The following PCDHGA5 variants were observed in gnomAD, a reference collection of about 807,000 sequenced individuals.
PCDHGA5 encodes protocadherin gamma subfamily A, 5.
Under a neutral mutation model 56.7 loss-of-function variants are expected in PCDHGA5, and 36 were observed. The ratio of observed to expected loss-of-function variants is 0.64; its 90% confidence interval spans 0.49 to 0.84. The LOEUF is 0.84. PCDHGA5 is among the 40% of genes least tolerant of loss of function. PCDHGA5 has a pLI of 0.00. For synonymous variants in PCDHGA5, 563 were observed against 520.2 expected, an observed-to-expected ratio of 1.08 and a Z score of -1.12; for missense variants, 1,305 against 1,201.5, an observed-to-expected ratio of 1.09 and a Z score of -1.27.
At chr5:141,502,907 G>C (rs1335363561) in intron 2 of PCDHGA5, among the ~76,000 whole-genome samples, 2 of 138,924 alleles carry the variant, frequency 1.4e-5, no homozygotes, top group Non-Finnish European at 3.0e-5. Context: ...CTGTTGCCAG[G>C]CTGGAGTGCA....
chr5:141,422,409 A>G, intron 1 of PCDHGA5: 1 of 1,601,728 alleles, frequency 6.2e-7, no homozygotes. Flanking sequence ...TGCCTTTTAA[A>G]TTAGAAAAGA....
chr5:141,413,748 T>C (rs1264580781), intron 1 of PCDHGA5: 2 of 1,613,288 alleles, frequency 1.2e-6, no homozygotes, highest in Non-Finnish European at 1.7e-6. Context: ...GCCGTGCCAA[T>C]GGCGTCAAGT....
At chr5:141,415,551 C>T (rs745641887) in intron 1 of PCDHGA5, 1 of 1,614,132 alleles carries the variant, frequency 6.2e-7, no homozygotes, top group South Asian at 1.1e-5. Context: ...GTGAGAAAAA[C>T]GATCCTTTGT....
In PCDHGA5 at chr5:141,374,128, G is replaced by T. The variant is rs376765941; in HGVS notation, c.2421+7377G>T. Reference sequence around the variant, plus strand: ...ATCCGCAGCGCAGCGAGCAGGTCCTGCTCCTCACGCTCCTGGGGACGCTGT... The same window carrying T: ...ATCCGCAGCGCAGCGAGCAGGTCCTTCTCCTCACGCTCCTGGGGACGCTGT... On this transcript the variant is annotated intron_variant, in intron 1 of 3. Coordinates refer to ENST00000518069, the MANE Select transcript of PCDHGA5 (RefSeq NM_018918.3). The T allele has an allele frequency of 4.4e-6, 7 of 1,603,372 alleles. No homozygotes were observed. The African/African-American group carries it at 8.0e-5, about 18-fold the overall frequency.
At chr5:141,414,285 A>G (rs766515802) in intron 1 of PCDHGA5, 1 of 1,613,634 alleles carries the variant, frequency 6.2e-7, no homozygotes, top group East Asian at 2.2e-5. Context: ...GAACAGTCGT[A>G]GCCCTTTTAA....
At chr5:141,400,514 A>T in intron 1 of PCDHGA5, 1 of 1,613,950 alleles carries the variant, frequency 6.2e-7, no homozygotes, top group South Asian at 1.1e-5. Context: ...TCGACTTCCC[A>T]TCCTGAGTTG....
Position 141,462,050 on chromosome 5 carries a change from C to T in PCDHGA5, c.2422-32757C>T, listed in dbSNP as rs146056741. On this transcript the variant is annotated intron_variant, in intron 1 of 3. Coordinates refer to ENST00000518069, the MANE Select transcript of PCDHGA5 (RefSeq NM_018918.3). ...GTTGGTCAGGCGGGTCTTGAACTCC[C>T]GACCTCAGGTGATCTGCCCGCCTTG... is the stretch of plus-strand genomic sequence containing the variant. 5.5e-3 allele frequency among the ~76,000 whole-genome samples: 830 copies of T among 151,978 alleles called. 23 individuals are homozygous for T. The East Asian group carries it at 0.095, about 17-fold the overall frequency.
intron 1 of PCDHGA5, among the ~76,000 whole-genome samples, chr5:141,380,336 G>T (rs1221282125): frequency 1.3e-5 from 2 of 152,060 alleles, no homozygotes; most frequent in Non-Finnish European, 2.9e-5. Flanking sequence ...GAACTTCAAA[G>T]AACTGTTTTG....
At position 141,438,956 on chromosome 5, in the gene PCDHGA5, G is replaced by A. The variant is rs140181975; in HGVS notation, c.2422-55851G>A. 3.9e-3 allele frequency among the ~76,000 whole-genome samples: 592 copies of A among 151,974 alleles called. 6 individuals are homozygous for A. Among genetic ancestry groups the A allele is most frequent in the Admixed American group, 0.011 (171 of 15,242 alleles). On this transcript the variant is annotated intron_variant, in intron 1 of 3. Coordinates refer to ENST00000518069, the MANE Select transcript of PCDHGA5 (RefSeq NM_018918.3). ...GCTGGGATTATAGGCATGAGCCACCGCACCCTGCCAACTGTCTGACTTATC... is the reference window on the plus strand; with the variant it reads ...GCTGGGATTATAGGCATGAGCCACCACACCCTGCCAACTGTCTGACTTATC...
At chr5:141,421,619 C>G in intron 1 of PCDHGA5, 1 of 1,613,694 alleles carries the variant, frequency 6.2e-7, no homozygotes, top group Non-Finnish European at 8.5e-7. Flanking sequence ...AATGATAACG[C>G]CCCCAGCTTC....
chr5:141,395,302 T>C, intron 1 of PCDHGA5: 1 of 1,516,670 alleles, frequency 6.6e-7, no homozygotes, highest in East Asian at 2.3e-5. Flanking sequence ...AATTATGTTT[T>C]GAAAAACATT....
Position 141,491,795 on chromosome 5 carries a change from C to T in PCDHGA5, c.2422-3012C>T. On this transcript the variant is annotated intron_variant, in intron 1 of 3. Coordinates refer to ENST00000518069, the MANE Select transcript of PCDHGA5 (RefSeq NM_018918.3). This position sits in a 1 kb window ranked among gnomAD's most constrained non-coding sequence, Gnocchi z 6.9. ...GGATTGAACTTGCATCCACTCCTCT[C>T]CGGCCGGCTTGGTCGCTGGCTGCGC... 6 of 1,511,694 alleles carry T rather than the reference C, an allele frequency of 4.0e-6. No individual in the cohort carries two copies. Among genetic ancestry groups the T allele is most frequent in the Non-Finnish European group, 5.3e-6 (6 of 1,130,430 alleles). 93.6% of individuals were successfully genotyped at this position (1,511,694 alleles called of 1,614,324 possible).
chr5:141,494,996 C>A (rs2099758091), intron 2 of PCDHGA5, 131 bp downstream of exon 2: 2 of 1,539,742 alleles, frequency 1.3e-6, no homozygotes, highest in African/African-American at 1.4e-5. Context: ...CCAGGGAGGT[C>A]TTGGTGTGCG....
At chr5:141,461,825 T>C (rs2099024418) in intron 1 of PCDHGA5, among the ~76,000 whole-genome samples, 1 of 151,778 alleles carries the variant, frequency 6.6e-6, no homozygotes, top group African/African-American at 2.4e-5. Context: ...AGCTAATTTT[T>C]TTTTCTTTTT....
At chr5:141,397,195 G>T (rs2093485269) in intron 1 of PCDHGA5, among the ~76,000 whole-genome samples, 1 of 152,150 alleles carries the variant, frequency 6.6e-6, no homozygotes, top group Non-Finnish European at 1.5e-5. Context: ...TACTGTAAAA[G>T]ATATGACATA....
intron 1 of PCDHGA5, among the ~76,000 whole-genome samples, chr5:141,380,915 G>A (rs1452983675): frequency 6.6e-6 from 1 of 152,180 alleles, no homozygotes. Context: ...TGCTTACATT[G>A]TTTAATAATC....
intron 1 of PCDHGA5, chr5:141,427,677 C>G: frequency 1.2e-6 from 1 of 816,672 alleles, no homozygotes; most frequent in Non-Finnish European, 2.1e-6. Context: ...AAACAACCTT[C>G]CCGGAGCCTC....
Position 141,477,540 on chromosome 5 carries a change from C to T in PCDHGA5, c.2422-17267C>T, listed in dbSNP as rs777796922. On this transcript the variant is annotated intron_variant, in intron 1 of 3. Coordinates refer to ENST00000518069, the MANE Select transcript of PCDHGA5 (RefSeq NM_018918.3). The surrounding 1 kb of genome is among the most constrained non-coding windows in gnomAD (Gnocchi z 4.9). Reference sequence around the variant, plus strand: ...GAAGAAAACAACCTCCCCGGGGCTCCAATACTAAACCTAAGTGTCTGGGAC... The same window carrying T: ...GAAGAAAACAACCTCCCCGGGGCTCTAATACTAAACCTAAGTGTCTGGGAC... The T allele has an allele frequency of 6.8e-6, 11 of 1,614,036 alleles. 1 individual carries two copies. Among genetic ancestry groups the T allele is most frequent in the African/African-American group, 2.7e-5 (2 of 74,920 alleles).
At chr5:141,467,627 G>A (rs2099147481) in intron 1 of PCDHGA5, among the ~76,000 whole-genome samples, 1 of 152,140 alleles carries the variant, frequency 6.6e-6, no homozygotes, top group South Asian at 2.1e-4. Context: ...ATTTGAGATA[G>A]CATCTTTATC....
Sources: gnomAD v4.1 joint callset for allele counts (sites outside exome capture counted in the v4.1 genomes callset) on GRCh38, gnomAD v4.1.1 for gene constraint, Gnocchi (gnomAD v3.1) non-coding constraint, MANE v1.5 for transcripts, NCBI Gene and HGNC (gene_info 2026-07-23, HGNC 2026-07-21) for gene names.